The following DACH2 variants were observed in gnomAD, a reference collection of about 807,000 sequenced individuals.
DACH2 encodes dachshund family transcription factor 2, also known as dachshund homolog 2.
In DACH2, 17 loss-of-function variants were observed where a neutral mutation model predicts 35.8. The observed-to-expected ratio is 0.48, with a 90% CI of 0.33 to 0.71. The LOEUF (loss-of-function observed/expected upper bound fraction) is 0.71, where lower values mean the gene tolerates loss of function less well. Ranked by LOEUF, DACH2 falls within the 30% of genes least tolerant of loss-of-function variation. DACH2 has a pLI of 0.02. For synonymous variants in DACH2, 195 were observed against 177.3 expected (o/e 1.10, Z -0.79); for missense variants, 469 against 472.7 (o/e 0.99, Z 0.07).
At chrX:86,555,314 A>G (rs766459853) in intron 3 of DACH2, among the ~76,000 whole-genome samples, 16 of 111,947 alleles carry the variant, frequency 1.4e-4, no homozygotes, top group East Asian at 1.1e-3. Flanking sequence ...GTCTTTTCAC[A>G]TGTGATCAAT....
At chrX:86,632,096 A>G (rs750963662) in intron 3 of DACH2, among the ~76,000 whole-genome samples, 1 of 111,749 alleles carries the variant, frequency 8.9e-6, no homozygotes, top group Non-Finnish European at 1.9e-5. Context: ...ATATGATGCA[A>G]TTTCTCCTTT....
chrX:86,739,556 CATG>C (rs2041631673), intron 6 of DACH2, among the ~76,000 whole-genome samples, 188 bp from the exon 7 acceptor site: 1 of 111,959 alleles, frequency 8.9e-6, no homozygotes, highest in African/African-American at 3.2e-5. Context: ...ATTTAGCCCT[CATG>C]ATATTTTATT....
Position 86,441,479 on chromosome X carries a change from CTGTGTGTGTG to C in DACH2, c.527+64645_527+64654del, listed in dbSNP as rs61396163. Among the ~76,000 whole-genome samples the C allele has an allele frequency of 3.2e-3, 302 of 95,433 alleles. 2 individuals are homozygous for C. The highest frequency in any genetic ancestry group is 0.01 in the African/African-American group (278 of 26,531). 82.9% of individuals were successfully genotyped at this position (95,433 alleles called of 115,157 possible). ...TTTTTTATGACTGAAAAGTATTCCA[CTGTGTGTGTG>C]TGTGTGTGTGTGTGTGTGTGTGTGT... On this transcript the variant is annotated intron_variant, in intron 2 of 11. Transcript: ENST00000373125.
chrX:86,717,280 T>G (rs909257705), intron 6 of DACH2, among the ~76,000 whole-genome samples: 1 of 111,059 alleles, frequency 9.0e-6, no homozygotes, highest in South Asian at 3.8e-4. Context: ...CACTTTACAC[T>G]CCTGTGTACA....
At chrX:86,784,169 A>G (rs967605790) in intron 7 of DACH2, among the ~76,000 whole-genome samples, 1 of 110,881 alleles carries the variant, frequency 9.0e-6, no homozygotes, top group East Asian at 2.8e-4. Flanking sequence ...AAAGGAAACA[A>G]TCTACAAAGT....
chrX:86,496,236 A>G (rs889674715), intron 2 of DACH2, among the ~76,000 whole-genome samples: 1 of 112,182 alleles, frequency 8.9e-6, no homozygotes, highest in African/African-American at 3.2e-5. Context: ...TCTTTAATAC[A>G]TAAACCCATC....
At chrX:86,153,159 G>A (rs1009027300) in intron 1 of DACH2, among the ~76,000 whole-genome samples, 2 of 111,093 alleles carry the variant, frequency 1.8e-5, no homozygotes, top group African/African-American at 3.3e-5. Flanking sequence ...AGTTAAATGG[G>A]TGCTTGAAGA....
intron 2 of DACH2, among the ~76,000 whole-genome samples, chrX:86,510,428 G>C (rs1439736934): frequency 8.9e-6 from 1 of 111,844 alleles, no homozygotes; most frequent in Non-Finnish European, 1.9e-5. Flanking sequence ...GTAATGCTCT[G>C]ATGGTAATCC....
chrX:86,405,114 G>A, intron 2 of DACH2, among the ~76,000 whole-genome samples: 1 of 111,565 alleles, frequency 9.0e-6, no homozygotes, highest in Admixed American at 9.4e-5. Flanking sequence ...CCTAGGTCTT[G>A]GGGTCTGTGA....
intron 1 of DACH2, among the ~76,000 whole-genome samples, chrX:86,295,280 C>G (rs1464011342): frequency 9.0e-6 from 1 of 111,390 alleles, no homozygotes; most frequent in Admixed American, 9.4e-5. Flanking sequence ...CTTCGGCTCG[C>G]GCACGGTGCG....
intron 3 of DACH2, among the ~76,000 whole-genome samples, chrX:86,521,425 T>C (rs181023075): frequency 6.3e-4 from 71 of 111,838 alleles, no homozygotes; most frequent in Admixed American, 1.8e-3. Context: ...CTGTATTTCC[T>C]GAATTTGACG....
intron 1 of DACH2, among the ~76,000 whole-genome samples, chrX:86,197,800 A>G (rs1312447495): frequency 9.0e-6 from 1 of 111,616 alleles, no homozygotes; most frequent in Admixed American, 9.5e-5. Flanking sequence ...AGAGACTCCC[A>G]TGGAATAATA....
chrX:86,707,877 T>A (rs1373309734), intron 5 of DACH2, among the ~76,000 whole-genome samples: 2 of 77,436 alleles, frequency 2.6e-5, no homozygotes, highest in Non-Finnish European at 4.6e-5. Flanking sequence ...ATCACACCAC[T>A]GTATTCCAGC....
At chrX:86,264,896 C>A (rs1407272725) in intron 1 of DACH2, among the ~76,000 whole-genome samples, 1 of 110,699 alleles carries the variant, frequency 9.0e-6, no homozygotes, top group Admixed American at 9.7e-5. Context: ...AAAAATAATT[C>A]CCAAGTTCTC....
chrX:86,281,168 A>G (rs1052362766), intron 1 of DACH2, among the ~76,000 whole-genome samples: 1 of 111,393 alleles, frequency 9.0e-6, no homozygotes, highest in African/African-American at 3.3e-5. Context: ...ACCACATCAC[A>G]CTTATTCTAA....
At chrX:86,468,705 C>A (rs903620040) in intron 2 of DACH2, among the ~76,000 whole-genome samples, 1 of 111,710 alleles carries the variant, frequency 9.0e-6, no homozygotes, top group African/African-American at 3.2e-5. Flanking sequence ...ATCAGTGAAT[C>A]TTTTCAGCAT....
At chrX:86,404,932 G>A (rs1402523438) in intron 2 of DACH2, among the ~76,000 whole-genome samples, 3 of 112,462 alleles carry the variant, frequency 2.7e-5, no homozygotes, top group African/African-American at 9.7e-5. Flanking sequence ...TCAACACCAT[G>A]TGGAAGCCAC....
At chrX:86,510,472 A>T (rs1239774767) in intron 2 of DACH2, among the ~76,000 whole-genome samples, 1 of 111,730 alleles carries the variant, frequency 9.0e-6, no homozygotes, top group East Asian at 2.8e-4. Context: ...TACTGTTAAT[A>T]TATATTTTAA....
chrX:86,756,964 AT>A (rs1462586683), intron 7 of DACH2, among the ~76,000 whole-genome samples: 1 of 110,552 alleles, frequency 9.0e-6, no homozygotes, highest in Non-Finnish European at 1.9e-5. Context: ...TTTATCAAAT[AT>A]TTTTTCTGCT....
Sources: allele counts gnomAD v4.1 joint callset (sites outside exome capture counted in the v4.1 genomes callset), GRCh38; gene constraint gnomAD v4.1.1; transcripts MANE v1.5; gene names NCBI Gene and HGNC (gene_info 2026-07-23, HGNC 2026-07-21).